The following PIBF1 variants were observed in gnomAD, a reference collection of about 807,000 sequenced individuals.
PIBF1 encodes progesterone-induced-blocking factor 1.
Under a neutral mutation model 112.5 loss-of-function variants are expected in PIBF1, and 90 were observed. The observed-to-expected ratio is 0.80, with a 90% CI of 0.67 to 0.95. The LOEUF (loss-of-function observed/expected upper bound fraction) is 0.95. Ranked by LOEUF, PIBF1 falls within the 40% of genes least tolerant of loss-of-function variation. The probability of loss-of-function intolerance (pLI) is 0.00; values close to 1 mark genes in which losing one functional copy is unlikely to be tolerated. For missense variants in PIBF1, 915 were observed against 852.3 expected, an observed-to-expected ratio of 1.07 and a Z score of -0.92; for synonymous variants, 301 against 288.6, an observed-to-expected ratio of 1.04 and a Z score of -0.44.
intron 10 of PIBF1, 133 bp from the exon 11 acceptor site, chr13:72,893,651 G>C: frequency 2.2e-6 from 1 of 463,746 alleles, no homozygotes; most frequent in South Asian, 8.3e-5. Flanking sequence ...ATTTATAAAA[G>C]CTTTGCTGAA....
intron 13 of PIBF1, among the ~76,000 whole-genome samples, chr13:72,917,711 C>T (rs976630238): frequency 6.6e-6 from 1 of 152,172 alleles, no homozygotes; most frequent in Non-Finnish European, 1.5e-5. Flanking sequence ...ATTCAACCAA[C>T]CGCTTATCAA....
At chr13:72,812,792 A>G (rs1022266596) in intron 5 of PIBF1, among the ~76,000 whole-genome samples, 6 of 151,744 alleles carry the variant, frequency 4.0e-5, no homozygotes, top group Admixed American at 2.0e-4. Flanking sequence ...TACAAAAAAA[A>G]AACCCCAAAA....
intron 9 of PIBF1, among the ~76,000 whole-genome samples, chr13:72,844,760 C>CGGATGAAGTCTTACTGTTT (rs1345644818): frequency 6.8e-4 from 88 of 129,586 alleles, no homozygotes; most frequent in African/African-American, 1.4e-3. Flanking sequence ...CACACACACA[C>CGGATGAAGTCTTACTGTTT]ACACACACAC....
rs138038297 is a variant in PIBF1 at position 72,938,923 on chromosome 13, T to C, written c.1833+7656T>C. On this transcript the variant is annotated intron_variant, in intron 14 of 17. Coordinates refer to ENST00000326291, the MANE Select transcript of PIBF1 (RefSeq NM_006346.4). ...TGCATTTCTCTAATTAGGTTAATAA[T>C]GTTAACTATCATTTTGGGTTCTTAT... Among the ~76,000 whole-genome samples the C allele has an allele frequency of 1.4e-4, 22 of 152,326 alleles. 1 individual carries two copies. The highest frequency in any genetic ancestry group is 5.3e-4 in the African/African-American group (22 of 41,582).
intron 9 of PIBF1, among the ~76,000 whole-genome samples, chr13:72,846,944 C>T (rs1278869006): frequency 6.6e-6 from 1 of 152,084 alleles, no homozygotes; most frequent in African/African-American, 2.4e-5. Flanking sequence ...TGAATTGGTA[C>T]TACTTTTTAG....
intron 10 of PIBF1, among the ~76,000 whole-genome samples, chr13:72,862,163 CAATTTAGAAG>C (rs2038722897): frequency 6.6e-6 from 1 of 152,062 alleles, no homozygotes; most frequent in Admixed American, 6.5e-5. Flanking sequence ...AAGGAATCTG[CAATTTAGAAG>C]AACTCATCAC....
At chr13:72,947,126 CT>C (rs1189871911) in intron 14 of PIBF1, among the ~76,000 whole-genome samples, 1 of 152,208 alleles carries the variant, frequency 6.6e-6, no homozygotes, top group African/African-American at 2.4e-5. Context: ...TTCATACATC[CT>C]CTGAAATCTA....
At chr13:72,892,808 A>ACG (rs1555307873) in intron 10 of PIBF1, among the ~76,000 whole-genome samples, 8 of 149,528 alleles carry the variant, frequency 5.4e-5, no homozygotes, top group African/African-American at 1.0e-4. Flanking sequence ...ACACACACAC[A>ACG]CGCACACGCA....
chr13:72,799,380 A>G (rs1408299842), intron 5 of PIBF1, among the ~76,000 whole-genome samples: 2 of 152,202 alleles, frequency 1.3e-5, no homozygotes, highest in African/African-American at 4.8e-5. Flanking sequence ...AAGTCTTGCC[A>G]TAGAACCAAT....
chr13:72,967,967 C>G (rs1026605130), intron 15 of PIBF1, among the ~76,000 whole-genome samples: 1 of 151,824 alleles, frequency 6.6e-6, no homozygotes, highest in Non-Finnish European at 1.5e-5. Context: ...GGGCGGATCA[C>G]GAGGTCAGGA....
intron 14 of PIBF1, among the ~76,000 whole-genome samples, chr13:72,950,217 C>T (rs2042259961): frequency 6.6e-6 from 1 of 152,190 alleles, no homozygotes. Context: ...AGTCTGTACT[C>T]TATTCCTCCG....
intron 5 of PIBF1, among the ~76,000 whole-genome samples, chr13:72,799,099 A>G (rs2035339370): frequency 1.3e-5 from 2 of 152,184 alleles, no homozygotes; most frequent in Non-Finnish European, 2.9e-5. Flanking sequence ...TGACACTCTC[A>G]TTTACTGTGT....
chr13:72,800,706 C>T (rs1163486945), intron 5 of PIBF1, among the ~76,000 whole-genome samples: 1 of 152,028 alleles, frequency 6.6e-6, no homozygotes, highest in African/African-American at 2.4e-5. Context: ...TAATCCCTGC[C>T]ATCATGGAGT....
chr13:72,992,766 T>C (rs1228680018), intron 16 of PIBF1, among the ~76,000 whole-genome samples: 1 of 151,756 alleles, frequency 6.6e-6, no homozygotes, highest in East Asian at 1.9e-4. Context: ...AATCGCACCA[T>C]TGCACTCCAG....
intron 14 of PIBF1, among the ~76,000 whole-genome samples, 157 bp from the exon 15 acceptor site, chr13:72,965,117 T>C (rs2042705830): frequency 6.6e-6 from 1 of 152,218 alleles, no homozygotes; most frequent in African/African-American, 2.4e-5. Context: ...ATAGCTATAT[T>C]GATTCACTCT....
chr13:72,926,449 A>G (rs1046204603), intron 13 of PIBF1, among the ~76,000 whole-genome samples: 2 of 152,218 alleles, frequency 1.3e-5, no homozygotes, highest in Non-Finnish European at 2.9e-5. Context: ...GCACATAACT[A>G]CTTTTAAAGA....
chr13:73,012,575 CA>C (rs59833416), intron 17 of PIBF1, among the ~76,000 whole-genome samples: 2 of 147,532 alleles, frequency 1.4e-5, no homozygotes, highest in Admixed American at 6.8e-5. Context: ...ACACACACAC[CA>C]AAAAAAACAA....
chr13:72,785,156 A>G (rs1480062730), intron 2 of PIBF1, among the ~76,000 whole-genome samples: 2 of 152,176 alleles, frequency 1.3e-5, no homozygotes, highest in East Asian at 3.9e-4. Flanking sequence ...TTAGGTTTCA[A>G]TATACAAATT....
chr13:72,938,542 T>C (rs1266919111), intron 14 of PIBF1, among the ~76,000 whole-genome samples: 2 of 152,238 alleles, frequency 1.3e-5, no homozygotes, highest in Non-Finnish European at 2.9e-5. Flanking sequence ...CTCAGTTCCT[T>C]TTTATGACTG....
Sources: gnomAD v4.1 joint callset for allele counts (sites outside exome capture counted in the v4.1 genomes callset) on GRCh38, gnomAD v4.1.1 for gene constraint, MANE v1.5 for transcripts, NCBI Gene and HGNC (gene_info 2026-07-23, HGNC 2026-07-21) for gene names.